The following SIPA1L3 variants were observed in gnomAD, a reference collection of about 807,000 sequenced individuals.
SIPA1L3 encodes the protein signal induced proliferation associated 1 like 3.
In SIPA1L3, 59 loss-of-function variants were observed where a neutral mutation model predicts 150.1. That is an observed-to-expected ratio of 0.39 (90% confidence interval 0.32 to 0.49). SIPA1L3 has a LOEUF of 0.49. Among genes scored for constraint, SIPA1L3 ranks in the 20% least tolerant of loss-of-function variants. SIPA1L3 has a pLI of 0.86. For synonymous variants in SIPA1L3, 1,070 were observed against 1,077.6 expected, an observed-to-expected ratio of 0.99 and a Z score of 0.14; for missense variants, 2,211 against 2,489.5, an observed-to-expected ratio of 0.89 and a Z score of 2.38.
rs189321563 is a variant in SIPA1L3 at position 37,989,815 on chromosome 19, G to A, written c.-378-39274G>A. Reference sequence around the variant, plus strand: ...CCAGTAAGTAGCTGGGATTGCAGACGTGAGCCACCGTGCCTGGCTAGGATG... The same window carrying A: ...CCAGTAAGTAGCTGGGATTGCAGACATGAGCCACCGTGCCTGGCTAGGATG... On this transcript the variant is annotated intron_variant, in intron 1 of 21. Coordinates refer to ENST00000222345, the MANE Select transcript of SIPA1L3 (RefSeq NM_015073.3). Among the ~76,000 whole-genome samples, 452 of 152,172 alleles carry A rather than the reference G, an allele frequency of 3.0e-3. 1 individual carries two copies. The highest frequency in any genetic ancestry group is 4.5e-3 in the Admixed American group (69 of 15,254).
intron 1 of SIPA1L3, among the ~76,000 whole-genome samples, chr19:37,972,390 G>A (rs1966964895): frequency 6.6e-6 from 1 of 152,138 alleles, no homozygotes. Context: ...AAGGGCATAA[G>A]TGCTATTTTG....
At chr19:38,070,864 C>G (rs1480045056) in intron 2 of SIPA1L3, among the ~76,000 whole-genome samples, 1 of 152,236 alleles carries the variant, frequency 6.6e-6, no homozygotes, top group Non-Finnish European at 1.5e-5. Flanking sequence ...CATCCCTGAG[C>G]CCTCCAGAGT....
chr19:38,037,633 C>A (rs549741022), intron 2 of SIPA1L3, among the ~76,000 whole-genome samples: 2 of 152,110 alleles, frequency 1.3e-5, no homozygotes, highest in Non-Finnish European at 2.9e-5. Context: ...CAGCAGTGAA[C>A]AAGACGACAA....
chr19:37,976,531 G>A (rs972698385), intron 1 of SIPA1L3, among the ~76,000 whole-genome samples: 1 of 152,052 alleles, frequency 6.6e-6, no homozygotes, highest in East Asian at 1.9e-4. Flanking sequence ...TAAAAGGGTC[G>A]AGCAGCTCTG....
At chr19:38,205,554 G>A (rs1365758383) in intron 21 of SIPA1L3, among the ~76,000 whole-genome samples, 1 of 151,860 alleles carries the variant, frequency 6.6e-6, no homozygotes, top group Non-Finnish European at 1.5e-5. Flanking sequence ...TAATGCGTAA[G>A]TCTTCGAGCC....
At chr19:38,062,663 G>A (rs1402295275) in intron 2 of SIPA1L3, among the ~76,000 whole-genome samples, 2 of 151,834 alleles carry the variant, frequency 1.3e-5, no homozygotes, top group African/African-American at 2.4e-5. Context: ...TGCCCAGGCT[G>A]TAGTGCAGTG....
Position 37,973,680 on chromosome 19 carries a change from A to T in SIPA1L3, c.-378-55409A>T, listed in dbSNP as rs367576780. Among the ~76,000 whole-genome samples, 45 of 151,650 alleles carry T rather than the reference A, an allele frequency of 3.0e-4. No homozygotes were observed. In the East Asian group the frequency reaches 5.5e-3, roughly 18 times the overall value. On this transcript the variant is annotated intron_variant, in intron 1 of 21. Coordinates refer to ENST00000222345, the MANE Select transcript of SIPA1L3 (RefSeq NM_015073.3). ...TGCCTGTCCCCCATCCCACACTCAC[A>T]CCAGAGCAAATGCTTAGGAAGTGGA...
Position 38,082,959 on chromosome 19 carries a change from G to C in SIPA1L3, c.1394G>C (p.Ser465Thr), listed in dbSNP as rs375226782. ...GGCCACCTGGCAGAGCCCGCCCTGA[G>C]CGCCTACCGCACCAACGCCAGCATC... Reference protein sequence around the residue: ...GEGHLAEPALSAYRTNASISV... With the variant: ...GEGHLAEPALTAYRTNASISV... Residue 465 changes from serine (S) to threonine (T), a missense_variant, in exon 3 of 22, where the codon AGC becomes ACC. Physicochemically the swap from Ser to Thr is moderately conservative, Grantham distance 58 (BLOSUM62 1). Coordinates refer to ENST00000222345, the MANE Select transcript of SIPA1L3 (RefSeq NM_015073.3). 6.2e-7 allele frequency: 1 copy of C among 1,613,020 alleles called. No individual in the cohort carries two copies.
At chr19:38,103,272 C>T (rs1281137412) in intron 6 of SIPA1L3, among the ~76,000 whole-genome samples, 2 of 152,052 alleles carry the variant, frequency 1.3e-5, no homozygotes, top group Non-Finnish European at 2.9e-5. Flanking sequence ...GGTGGTATCA[C>T]ATAGGACGTA....
intron 1 of SIPA1L3, among the ~76,000 whole-genome samples, chr19:37,965,281 G>A (rs575965842): frequency 6.6e-6 from 1 of 151,704 alleles, no homozygotes; most frequent in Non-Finnish European, 1.5e-5. Flanking sequence ...GCTTCCCACA[G>A]GGATTATGAT....
At chr19:38,127,593 C>G (rs1971206256) in intron 9 of SIPA1L3, among the ~76,000 whole-genome samples, 1 of 152,128 alleles carries the variant, frequency 6.6e-6, no homozygotes, top group Non-Finnish European at 1.5e-5. Flanking sequence ...TGGGCTCAAG[C>G]CTGCCTCCCA....
At chr19:37,992,367 A>G (rs916082130) in intron 1 of SIPA1L3, among the ~76,000 whole-genome samples, 18 of 152,172 alleles carry the variant, frequency 1.2e-4, no homozygotes, top group African/African-American at 3.9e-4. Context: ...TATGATGAAT[A>G]GGGCCAGGCA....
chr19:37,978,086 T>C (rs1307428318), intron 1 of SIPA1L3, among the ~76,000 whole-genome samples: 2 of 152,192 alleles, frequency 1.3e-5, no homozygotes, highest in African/African-American at 4.8e-5. Context: ...AATTATCTAA[T>C]AGGTGCATGG....
chr19:37,981,775 C>T (rs533683348), intron 1 of SIPA1L3, among the ~76,000 whole-genome samples: 3 of 152,178 alleles, frequency 2.0e-5, no homozygotes, highest in East Asian at 1.9e-4. Context: ...AGAGTTGCTC[C>T]GTGAGTATTT....
Position 38,192,134 on chromosome 19 carries a change from T to C in SIPA1L3, c.4431-11T>C. 1.3e-6 allele frequency: 2 copies of C among 1,593,602 alleles called. No individual in the cohort carries two copies. The highest frequency in any genetic ancestry group is 1.7e-6 in the Non-Finnish European group (2 of 1,170,888). ...CCTGACACCCCTCTGACCCTGACGCTGTCATTCCAGGCAGGTGGACACGAA... is the reference window on the plus strand; with the variant it reads ...CCTGACACCCCTCTGACCCTGACGCCGTCATTCCAGGCAGGTGGACACGAA... On this transcript the variant is annotated splice_polypyrimidine_tract_variant and intron_variant, in intron 16 of 21. Transcript: ENST00000222345.
chr19:38,005,041 C>CGG (rs1967907022), intron 1 of SIPA1L3, among the ~76,000 whole-genome samples: 1 of 152,092 alleles, frequency 6.6e-6, no homozygotes, highest in South Asian at 2.1e-4. Flanking sequence ...CCGGACTAAC[C>CGG]GGGGCCGAGG....
At chr19:37,982,817 C>T (rs958908695) in intron 1 of SIPA1L3, among the ~76,000 whole-genome samples, 2 of 152,146 alleles carry the variant, frequency 1.3e-5, no homozygotes, top group Non-Finnish European at 2.9e-5. Context: ...CTGGGCTTTC[C>T]CGGTGTGACC....
intron 13 of SIPA1L3, among the ~76,000 whole-genome samples, chr19:38,155,157 C>T (rs1971915674): frequency 6.6e-6 from 1 of 152,220 alleles, no homozygotes; most frequent in South Asian, 2.1e-4. Context: ...CTAGTTGCTG[C>T]ATGCCCTCAC....
At chr19:38,050,741 G>T (rs568027585) in intron 2 of SIPA1L3, among the ~76,000 whole-genome samples, 3 of 151,840 alleles carry the variant, frequency 2.0e-5, no homozygotes, top group Non-Finnish European at 2.9e-5. Context: ...TCATTTCCAC[G>T]TGTGTAGTTT....
Sources: allele counts gnomAD v4.1 joint callset (sites outside exome capture counted in the v4.1 genomes callset), GRCh38; gene constraint gnomAD v4.1.1; transcripts MANE v1.5; gene names NCBI Gene and HGNC (gene_info 2026-07-23, HGNC 2026-07-21).